Variants in TBCEL observed in about 807,000 individuals in gnomAD.
TBCEL encodes tubulin folding cofactor E like, also known as tubulin-specific chaperone cofactor E-like protein.
In TBCEL, 15 loss-of-function variants were observed where a neutral mutation model predicts 44.2. The ratio of observed to expected loss-of-function variants is 0.34; its 90% CI spans 0.23 to 0.52. The LOEUF is 0.52. Ranked by LOEUF, TBCEL falls within the 20% of genes least tolerant of loss-of-function variation. The probability of loss-of-function intolerance (pLI) is 0.95; values close to 1 mark genes in which losing one functional copy is unlikely to be tolerated. For missense variants in TBCEL, 319 were observed against 506.3 expected (o/e 0.63, Z 3.55); for synonymous variants, 171 against 185.4 (o/e 0.92, Z 0.63).
intron 8 of TBCEL, among the ~76,000 whole-genome samples, chr11:121,082,919 G>T (rs1172195932): frequency 6.6e-6 from 1 of 152,198 alleles, no homozygotes; most frequent in Non-Finnish European, 1.5e-5. Flanking sequence ...TGCTGCTGGG[G>T]TCCTTGACTC....
At chr11:121,051,836 C>A (rs1412317061) in intron 4 of TBCEL, among the ~76,000 whole-genome samples, 1 of 151,818 alleles carries the variant, frequency 6.6e-6, no homozygotes, top group Non-Finnish European at 1.5e-5. Flanking sequence ...TTTCTTCTCA[C>A]CTACTCTTCT....
At chr11:121,069,252 C>T (rs1379946653) in intron 8 of TBCEL, among the ~76,000 whole-genome samples, 6 of 152,160 alleles carry the variant, frequency 3.9e-5, no homozygotes, top group East Asian at 1.9e-4. Context: ...GTGCCTAGAG[C>T]GGTGCCTGGC....
chr11:121,058,484 G>A lies in TBCEL; in HGVS notation c.839+13G>A. ...TGGTAATAGCCAGGTCTGTTGTCCT[G>A]ATCGTTTTGCTTTATTTTTGTGAGG... is the stretch of plus-strand genomic sequence containing the variant. On this transcript the variant is annotated intron_variant, in intron 7 of 8. Transcript: ENST00000683345. 6.2e-7 allele frequency: 1 copy of A among 1,610,464 alleles called. No individual in the cohort carries two copies. The highest frequency in any genetic ancestry group is 8.5e-7 in the Non-Finnish European group (1 of 1,177,494).
chr11:121,040,032 C>G (rs1307010196), intron 2 of TBCEL, among the ~76,000 whole-genome samples: 1 of 152,056 alleles, frequency 6.6e-6, no homozygotes, highest in Non-Finnish European at 1.5e-5. Context: ...AGATTTAGCC[C>G]CATCCTAAAT....
intron 1 of TBCEL, among the ~76,000 whole-genome samples, chr11:121,025,478 A>G (rs1439112169): frequency 6.6e-6 from 1 of 152,180 alleles, no homozygotes; most frequent in Non-Finnish European, 1.5e-5. Flanking sequence ...GTAGGTATGA[A>G]GGGAAACTTT....
At chr11:121,048,676 G>T (rs765507109) in intron 4 of TBCEL, among the ~76,000 whole-genome samples, 52 of 151,784 alleles carry the variant, frequency 3.4e-4, no homozygotes, top group Non-Finnish European at 7.4e-5. Flanking sequence ...CTGCATAAAG[G>T]CCTACAGTTG....
intron 8 of TBCEL, among the ~76,000 whole-genome samples, chr11:121,072,974 T>C (rs575372205): frequency 3.6e-4 from 55 of 152,280 alleles, no homozygotes; most frequent in African/African-American, 1.3e-3. Flanking sequence ...GTATGTATGC[T>C]TCTGTTTCAG....
intron 1 of TBCEL, among the ~76,000 whole-genome samples, chr11:121,031,475 A>G (rs921445911): frequency 6.6e-6 from 1 of 152,048 alleles, no homozygotes; most frequent in African/African-American, 2.4e-5. Flanking sequence ...TTTTAATTTT[A>G]TCTTTTAGTA....
At chr11:121,076,043 T>C (rs1034834231) in intron 8 of TBCEL, among the ~76,000 whole-genome samples, 1 of 151,954 alleles carries the variant, frequency 6.6e-6, no homozygotes, top group Non-Finnish European at 1.5e-5. Context: ...TATTGACCCA[T>C]GTCTGTGTCC....
At position 121,087,185 on chromosome 11, in the gene TBCEL, GTT is replaced by G; in HGVS notation, c.*93_*94del. On this transcript the variant is annotated 3_prime_UTR_variant, in exon 9 of 9. Transcript: ENST00000683345. ...TGGTTTTCTTTAGGAGGGAGAGGTTGTTTTTGTTTTGTTTTGTTCTGTTTAGG... is the reference window on the plus strand; with the variant it reads ...TGGTTTTCTTTAGGAGGGAGAGGTTGTTTGTTTTGTTTTGTTCTGTTTAGG... 1 of 1,322,444 alleles carries G rather than the reference GTT, an allele frequency of 7.6e-7. No individual in the cohort carries two copies. The highest frequency in any genetic ancestry group is 2.4e-5 in the East Asian group (1 of 41,412). The allele number at this position is 1,322,444 out of a possible 1,614,324, so 81.9% of individuals were successfully genotyped here.
At chr11:121,084,703 G>C (rs558109333) in intron 8 of TBCEL, among the ~76,000 whole-genome samples, 1 of 152,252 alleles carries the variant, frequency 6.6e-6, no homozygotes, top group South Asian at 2.1e-4. Flanking sequence ...TCCATAGTCT[G>C]AAGGTAAAAC....
chr11:121,056,533 T>A (rs1945623869), intron 6 of TBCEL, among the ~76,000 whole-genome samples: 1 of 151,794 alleles, frequency 6.6e-6, no homozygotes, highest in Non-Finnish European at 1.5e-5. Flanking sequence ...ATGGTAAGAT[T>A]ATGATTAGTT....
At chr11:121,075,822 G>A (rs892436913) in intron 8 of TBCEL, among the ~76,000 whole-genome samples, 8 of 151,930 alleles carry the variant, frequency 5.3e-5, no homozygotes, top group African/African-American at 1.4e-4. Context: ...AACTTAGATA[G>A]TATAGTCTAC....
chr11:121,082,336 C>T (rs1161873924), intron 8 of TBCEL, among the ~76,000 whole-genome samples: 3 of 152,160 alleles, frequency 2.0e-5, no homozygotes, highest in Non-Finnish European at 4.4e-5. Context: ...GCAGAATTCT[C>T]TTCTTTCTTA....
chr11:121,055,452 C>A, intron 6 of TBCEL, 144 bp downstream of exon 6: 2 of 794,042 alleles, frequency 2.5e-6, no homozygotes, highest in Non-Finnish European at 3.6e-6. Context: ...CTATGATTGG[C>A]TAAATTTAAG....
chr11:121,026,575 C>A (rs1256856741), intron 1 of TBCEL, among the ~76,000 whole-genome samples: 1 of 152,160 alleles, frequency 6.6e-6, no homozygotes, highest in African/African-American at 2.4e-5. Flanking sequence ...GTTAAAACTT[C>A]ATCAGTGGGG....
intron 8 of TBCEL, among the ~76,000 whole-genome samples, chr11:121,061,843 A>G (rs1945729328): frequency 6.6e-6 from 1 of 151,934 alleles, no homozygotes; most frequent in Non-Finnish European, 1.5e-5. Flanking sequence ...CTTTATCAAC[A>G]CTGTACACTT....
intron 4 of TBCEL, 90 bp downstream of exon 4, chr11:121,047,757 T>C (rs1945455507): frequency 6.8e-7 from 1 of 1,481,298 alleles, no homozygotes; most frequent in East Asian, 2.4e-5. Context: ...CTAAATTCTG[T>C]TCTCACTTGA....
At chr11:121,085,142 G>T (rs988572367) in intron 8 of TBCEL, among the ~76,000 whole-genome samples, 2 of 151,924 alleles carry the variant, frequency 1.3e-5, no homozygotes, top group Non-Finnish European at 2.9e-5. Flanking sequence ...GGGTTCAAGC[G>T]ATTCTTCTGC....
Sources: allele counts gnomAD v4.1 joint callset (sites outside exome capture counted in the v4.1 genomes callset), GRCh38; gene constraint gnomAD v4.1.1; transcripts MANE v1.5; gene names NCBI Gene and HGNC (gene_info 2026-07-23, HGNC 2026-07-21).